MYO1E: variants seen among roughly 807,000 people sequenced by gnomAD.
The protein encoded by MYO1E is myosin IE.
A neutral mutation model predicts 151.1 loss-of-function variants in MYO1E; 68 were observed. The observed-to-expected ratio is 0.45, with a 90% CI of 0.37 to 0.55. The LOEUF (loss-of-function observed/expected upper bound fraction) is 0.55, where lower values mean the gene tolerates loss of function less well. Ranked by LOEUF, MYO1E falls within the 20% of genes least tolerant of loss-of-function variation. MYO1E has a pLI of 0.00. For synonymous variants in MYO1E, 601 were observed against 501.7 expected (o/e 1.20, Z -2.64); for missense variants, 1,363 against 1,389.3 (o/e 0.98, Z 0.30).
intron 4 of MYO1E, among the ~76,000 whole-genome samples, chr15:59,252,033 A>C (rs1013607011): frequency 3.9e-5 from 6 of 152,272 alleles, no homozygotes; most frequent in Non-Finnish European, 7.3e-5. Context: ...AATGCAAATA[A>C]TTGCTAATGT....
intron 2 of MYO1E, among the ~76,000 whole-genome samples, chr15:59,270,081 T>G (rs1244765289): frequency 2.0e-5 from 3 of 152,166 alleles, no homozygotes; most frequent in Non-Finnish European, 4.4e-5. Context: ...AGATTTTGTC[T>G]GTCAGCCATA....
At chr15:59,154,718 TG>T (rs1391483101) in intron 25 of MYO1E, among the ~76,000 whole-genome samples, 3 of 152,218 alleles carry the variant, frequency 2.0e-5, no homozygotes, top group African/African-American at 7.2e-5. Flanking sequence ...GCAAGAGAGT[TG>T]ATCTTTCATA....
chr15:59,173,525 G>A (rs1425148943), intron 21 of MYO1E, among the ~76,000 whole-genome samples: 2 of 152,128 alleles, frequency 1.3e-5, no homozygotes, highest in Non-Finnish European at 2.9e-5. Flanking sequence ...GCAAATGTAT[G>A]TTTTCATAAA....
intron 1 of MYO1E, among the ~76,000 whole-genome samples, chr15:59,290,764 T>C (rs1286729782): frequency 5.3e-5 from 8 of 152,222 alleles, no homozygotes; most frequent in African/African-American, 1.9e-4. Context: ...GAGGAATTTT[T>C]AACATAGTTT....
chr15:59,281,275 TC>T (rs2080351720), intron 1 of MYO1E, among the ~76,000 whole-genome samples: 1 of 151,314 alleles, frequency 6.6e-6, no homozygotes, highest in African/African-American at 2.4e-5. Flanking sequence ...CTTTTTCTTT[TC>T]TTTCTTTTTT....
At chr15:59,188,416 C>G (rs369536986) in intron 17 of MYO1E, among the ~76,000 whole-genome samples, 200 bp from the exon 18 acceptor site, 1 of 152,172 alleles carries the variant, frequency 6.6e-6, no homozygotes, top group African/African-American at 2.4e-5. Flanking sequence ...AGCAATTAGG[C>G]TGGGCGCAGT....
chr15:59,182,234 T>C (rs1214080748), intron 18 of MYO1E, among the ~76,000 whole-genome samples: 1 of 152,208 alleles, frequency 6.6e-6, no homozygotes, highest in African/African-American at 2.4e-5. Flanking sequence ...ATTTTTGAGA[T>C]GGAGTTCCAC....
At chr15:59,328,973 G>T (rs2140421916) in intron 1 of MYO1E, among the ~76,000 whole-genome samples, 1 of 152,294 alleles carries the variant, frequency 6.6e-6, no homozygotes, top group East Asian at 1.9e-4. Context: ...GACAGGGTTA[G>T]AATTTGAACT....
intron 1 of MYO1E, among the ~76,000 whole-genome samples, chr15:59,284,641 AT>A (rs1290331376): frequency 4.5e-4 from 54 of 120,786 alleles, no homozygotes; most frequent in South Asian, 1.4e-3. Context: ...AAAAAAAAAA[AT>A]TTTTTTTTTT....
At chr15:59,285,056 CTTGTTT>C (rs1196875423) in intron 1 of MYO1E, among the ~76,000 whole-genome samples, 5 of 152,196 alleles carry the variant, frequency 3.3e-5, no homozygotes, top group African/African-American at 1.2e-4. Flanking sequence ...CATCACCACT[CTTGTTT>C]TTAAGTGCAA....
chr15:59,151,194 A>G (rs963481529), intron 26 of MYO1E, among the ~76,000 whole-genome samples: 3 of 152,070 alleles, frequency 2.0e-5, no homozygotes, highest in Non-Finnish European at 2.9e-5. Context: ...ATGGGAGGAC[A>G]AGGCAGGCAG....
chr15:59,181,015 C>T (rs1407308455), intron 18 of MYO1E, among the ~76,000 whole-genome samples: 2 of 152,246 alleles, frequency 1.3e-5, no homozygotes, highest in East Asian at 3.9e-4. Context: ...GTTTCCTTCT[C>T]AGAGGAAATG....
intron 25 of MYO1E, among the ~76,000 whole-genome samples, chr15:59,156,757 C>G (rs569280208): frequency 6.6e-6 from 1 of 152,294 alleles, no homozygotes; most frequent in East Asian, 1.9e-4. Context: ...TGCTTAATAC[C>G]AAACACTCTG....
At chr15:59,254,895 G>C (rs2080185377) in intron 4 of MYO1E, among the ~76,000 whole-genome samples, 1 of 151,570 alleles carries the variant, frequency 6.6e-6, no homozygotes, top group South Asian at 2.1e-4. Context: ...GCGTGATCTT[G>C]GCTCACTGCA....
At chr15:59,163,759 A>G (rs1351023400) in intron 22 of MYO1E, among the ~76,000 whole-genome samples, 1 of 152,214 alleles carries the variant, frequency 6.6e-6, no homozygotes, top group Non-Finnish European at 1.5e-5. Context: ...GAAGAATCAT[A>G]AGCTCGGTTC....
chr15:59,162,004 A>G (rs1237463458), intron 23 of MYO1E, among the ~76,000 whole-genome samples: 1 of 152,124 alleles, frequency 6.6e-6, no homozygotes, highest in Non-Finnish European at 1.5e-5. Context: ...TTCCCATTTT[A>G]TAGATGGGGA....
chr15:59,340,611 A>C (rs1480903390), intron 1 of MYO1E, among the ~76,000 whole-genome samples: 2 of 152,106 alleles, frequency 1.3e-5, no homozygotes, highest in African/African-American at 4.8e-5. Flanking sequence ...TGCCGTTTCT[A>C]AGTTCATTAC....
chr15:59,320,617 G>T (rs1271899039), intron 1 of MYO1E, among the ~76,000 whole-genome samples: 11 of 152,112 alleles, frequency 7.2e-5, no homozygotes, highest in Admixed American at 7.2e-4. Context: ...TGGTGCTAGG[G>T]TGCTTGGCTA....
intron 2 of MYO1E, among the ~76,000 whole-genome samples, chr15:59,270,457 CA>C (rs2080282551): frequency 6.7e-6 from 1 of 150,014 alleles, no homozygotes; most frequent in African/African-American, 2.5e-5. Flanking sequence ...GTGGGAAGAT[CA>C]CCTGAGCCGG....
Sources: gnomAD v4.1 joint callset for allele counts (sites outside exome capture counted in the v4.1 genomes callset) on GRCh38, gnomAD v4.1.1 for gene constraint, MANE v1.5 for transcripts, NCBI Gene and HGNC (gene_info 2026-07-23, HGNC 2026-07-21) for gene names.